The following ADAM32 variants were observed in gnomAD, a reference collection of about 807,000 sequenced individuals.
ADAM32 encodes the protein disintegrin and metalloproteinase domain-containing protein 32.
Under a neutral mutation model 114.9 loss-of-function variants are expected in ADAM32, and 89 were observed. The ratio of observed to expected loss-of-function variants is 0.77; its 90% CI spans 0.65 to 0.92. The LOEUF (loss-of-function observed/expected upper bound fraction) is 0.92, where lower values mean the gene tolerates loss of function less well. Among genes scored for constraint, ADAM32 ranks in the 40% least tolerant of loss-of-function variants. ADAM32 has a pLI of 0.00. For synonymous variants in ADAM32, 285 were observed against 307.5 expected (o/e 0.93, Z 0.77); for missense variants, 870 against 932.8 (o/e 0.93, Z 0.88).
intron 19 of ADAM32, among the ~76,000 whole-genome samples, chr8:39,262,234 G>A (rs1812082979): frequency 6.6e-6 from 1 of 151,332 alleles, no homozygotes; most frequent in Admixed American, 6.6e-5. Flanking sequence ...TAGATTGAGA[G>A]GTAGGGGTCC....
intron 2 of ADAM32, among the ~76,000 whole-genome samples, chr8:39,134,743 A>T (rs967090646): frequency 1.3e-5 from 2 of 152,240 alleles, no homozygotes; most frequent in Non-Finnish European, 2.9e-5. Flanking sequence ...GATAACTCCC[A>T]TAGTGAAAGT....
At chr8:39,127,720 C>A in intron 2 of ADAM32, among the ~76,000 whole-genome samples, 1 of 151,982 alleles carries the variant, frequency 6.6e-6, no homozygotes, top group East Asian at 1.9e-4. Context: ...CTTCTTCTAG[C>A]TTTGGGGTTT....
At chr8:39,179,083 C>T (rs1277413182) in intron 10 of ADAM32, among the ~76,000 whole-genome samples, 1 of 152,166 alleles carries the variant, frequency 6.6e-6, no homozygotes, top group Non-Finnish European at 1.5e-5. Flanking sequence ...GAGCCCTCCT[C>T]ATCGAGACCA....
intron 2 of ADAM32, among the ~76,000 whole-genome samples, chr8:39,128,265 A>G (rs532740685): frequency 1.4e-4 from 21 of 152,230 alleles, no homozygotes; most frequent in African/African-American, 5.1e-4. Context: ...ACCCTTTAGC[A>G]TTATGTAATG....
intron 23 of ADAM32, 95 bp from the exon 24 acceptor site, chr8:39,283,491 G>A: frequency 1.0e-6 from 1 of 955,098 alleles, no homozygotes; most frequent in Non-Finnish European, 1.5e-6. Context: ...ACTTTGAACG[G>A]AAAGAGGAAG....
intron 10 of ADAM32, among the ~76,000 whole-genome samples, chr8:39,178,217 C>T (rs1805640814): frequency 1.3e-5 from 2 of 152,060 alleles, no homozygotes; most frequent in Non-Finnish European, 2.9e-5. Flanking sequence ...AATTCCTTTT[C>T]CTTCTTTTTT....
chr8:39,114,781 T>C (rs1256461508), intron 1 of ADAM32, among the ~76,000 whole-genome samples: 2 of 152,222 alleles, frequency 1.3e-5, no homozygotes, highest in Admixed American at 6.5e-5. Flanking sequence ...GTAAATTGCG[T>C]GTCACTGGGG....
chr8:39,225,744 C>T (rs1397378214), intron 14 of ADAM32, among the ~76,000 whole-genome samples: 2 of 152,044 alleles, frequency 1.3e-5, no homozygotes, highest in Non-Finnish European at 2.9e-5. Context: ...TGGAACCATC[C>T]AACTCTACCC....
In ADAM32 at chr8:39,151,499, G is replaced by T; in HGVS notation, c.476G>T (p.Arg159Ile). The T allele has an allele frequency of 1.3e-6, 2 of 1,597,882 alleles. No individual in the cohort carries two copies. Among genetic ancestry groups the T allele is most frequent in the Non-Finnish European group, 1.7e-6 (2 of 1,174,944 alleles). The part of the protein sequence containing the change: ...EDNDIAIFID[R>I]SLKEQPMDDN... The stretch of plus-strand genomic sequence containing the variant: ...AATGATATTGCAATTTTTATTGACA[G>T]AAGCCTGAAAGAACAACCAATGGAT... Residue 159 changes from arginine to isoleucine, a missense_variant, in exon 6 of 25, where the codon AGA becomes ATA. By Grantham distance (97) the Arg-to-Ile change is moderately conservative. Transcript: ENST00000379907.
intron 7 of ADAM32, among the ~76,000 whole-genome samples, chr8:39,163,552 A>C (rs1323761266): frequency 6.6e-6 from 1 of 152,212 alleles, no homozygotes; most frequent in Non-Finnish European, 1.5e-5. Flanking sequence ...TAAAGGAACA[A>C]CTTTAAAAGT....
At chr8:39,225,769 T>A (rs1463890170) in intron 14 of ADAM32, among the ~76,000 whole-genome samples, 1 of 144,074 alleles carries the variant, frequency 6.9e-6, no homozygotes, top group African/African-American at 2.5e-5. Flanking sequence ...AACAGCCTTT[T>A]TCCCACCCAT....
At chr8:39,197,539 A>C (rs1807090736) in intron 11 of ADAM32, among the ~76,000 whole-genome samples, 1 of 151,972 alleles carries the variant, frequency 6.6e-6, no homozygotes, top group Admixed American at 6.6e-5. Flanking sequence ...TGTTTCAAGA[A>C]ATTTGTTGTT....
At chr8:39,167,758 CT>C (rs1348992919) in intron 9 of ADAM32, 1 of 152,068 alleles carries the variant, frequency 6.6e-6, no homozygotes, top group African/African-American at 2.4e-5. Flanking sequence ...CTTTCTACTC[CT>C]TGGTTAAGTA....
chr8:39,162,295 A>G (rs1001097928), intron 7 of ADAM32, among the ~76,000 whole-genome samples: 2 of 151,608 alleles, frequency 1.3e-5, no homozygotes, highest in African/African-American at 2.4e-5. Context: ...TTTGCTGAGA[A>G]TGATGGTTTC....
chr8:39,153,510 G>T (rs1386602864), intron 6 of ADAM32, among the ~76,000 whole-genome samples: 2 of 152,210 alleles, frequency 1.3e-5, no homozygotes. Context: ...TGCCCAGATG[G>T]CAAGGTAAAC....
At chr8:39,123,704 CTTTTTTT>C (rs34747712) in intron 2 of ADAM32, among the ~76,000 whole-genome samples, 3 of 132,174 alleles carry the variant, frequency 2.3e-5, no homozygotes, top group Non-Finnish European at 4.7e-5. Flanking sequence ...ATTTTCTTTC[CTTTTTTT>C]TTTTTTTTTG....
intron 2 of ADAM32, among the ~76,000 whole-genome samples, chr8:39,127,392 C>T (rs1802180790): frequency 6.6e-6 from 1 of 152,062 alleles, no homozygotes; most frequent in South Asian, 2.1e-4. Flanking sequence ...TAGTTTCTTC[C>T]TGGTTCAGTC....
At chr8:39,221,240 GT>G (rs898596614) in intron 12 of ADAM32, 1 of 161,292 alleles carries the variant, frequency 6.2e-6, no homozygotes, top group African/African-American at 2.4e-5. Flanking sequence ...GCTCTTTTGT[GT>G]TTCCATGTGC....
intron 11 of ADAM32, among the ~76,000 whole-genome samples, chr8:39,188,371 ATCTGTCTG>A (rs57295844): frequency 2.2e-4 from 33 of 151,458 alleles, no homozygotes; most frequent in Middle Eastern, 3.4e-3. Context: ...CTGTCTATCT[ATCTGTCTG>A]TCTGTCTGTC....
Sources: gnomAD v4.1 joint callset for allele counts (sites outside exome capture counted in the v4.1 genomes callset) on GRCh38, gnomAD v4.1.1 for gene constraint, MANE v1.5 for transcripts, NCBI Gene and HGNC (gene_info 2026-07-23, HGNC 2026-07-21) for gene names.